Variants in TMCO4 observed in about 807,000 individuals in gnomAD.
TMCO4 encodes transmembrane and coiled-coil domains 4.
Under a neutral mutation model 64.7 loss-of-function variants are expected in TMCO4, and 58 were observed. That is an observed-to-expected ratio of 0.90 (90% CI 0.73 to 1.12). The LOEUF is 1.12. Ranked by LOEUF, TMCO4 falls within the 50% of genes most tolerant of loss-of-function variation. The pLI is 0.00. For missense variants in TMCO4, 780 were observed against 825.9 expected (o/e 0.94, Z 0.68); for synonymous variants, 325 against 346.1 (o/e 0.94, Z 0.68).
intron 13 of TMCO4, among the ~76,000 whole-genome samples, chr1:19,724,089 CTTTAG>C (rs1229831746): frequency 6.6e-6 from 1 of 152,176 alleles, no homozygotes; most frequent in Non-Finnish European, 1.5e-5. Flanking sequence ...GCTGGTCGGC[CTTTAG>C]TTTAGATTAA....
At chr1:19,696,577 TA>T (rs1021303626) in intron 14 of TMCO4, among the ~76,000 whole-genome samples, 45 of 135,054 alleles carry the variant, frequency 3.3e-4, no homozygotes, top group South Asian at 2.4e-4. Flanking sequence ...AAAACTAAAA[TA>T]AAAAAAATTA....
intron 13 of TMCO4, among the ~76,000 whole-genome samples, chr1:19,718,571 AG>A (rs1202604528): frequency 7.0e-6 from 1 of 142,796 alleles, no homozygotes; most frequent in Non-Finnish European, 1.5e-5. Context: ...GAGGCATTTG[AG>A]CCCAGGAGTC....
At chr1:19,709,285 G>GT (rs2095318100) in intron 13 of TMCO4, among the ~76,000 whole-genome samples, 1 of 81,074 alleles carries the variant, frequency 1.2e-5, no homozygotes. Flanking sequence ...TAACATCCCG[G>GT]CGGGGGGGGG....
At position 19,771,009 on chromosome 1, in the gene TMCO4, C is replaced by T. The variant is rs1019655311; in HGVS notation, c.354+299G>A. ...TGTGACCTTGGGCAAGTTACTTAACCTCTCTGTGTCTCAGTTTCCTCAACT... is the reference window on the plus strand; with the variant it reads ...TGTGACCTTGGGCAAGTTACTTAACTTCTCTGTGTCTCAGTTTCCTCAACT... On this transcript the variant is annotated intron_variant, in intron 5 of 15. Transcript: ENST00000294543. Among the ~76,000 whole-genome samples the T allele has an allele frequency of 4.6e-5, 7 of 152,228 alleles. No homozygotes were observed. In the East Asian group the frequency reaches 1.2e-3, roughly 25 times the overall value.
chr1:19,691,988 C>T lies in TMCO4; in HGVS notation c.1500+2446G>A, dbSNP rs148139052. Among the ~76,000 whole-genome samples the T allele has an allele frequency of 2.6e-3, 391 of 152,244 alleles. 4 individuals are homozygous for T. The highest frequency in any genetic ancestry group is 9.0e-3 in the African/African-American group (375 of 41,524). Reference sequence around the variant, plus strand: ...CATGTAAGACGTGCCTTTCACCTTCCGCCATGATTGTGAGGCCTCCCCAGC... The same window carrying T: ...CATGTAAGACGTGCCTTTCACCTTCTGCCATGATTGTGAGGCCTCCCCAGC... On this transcript the variant is annotated intron_variant, in intron 15 of 15. Coordinates refer to ENST00000294543, the MANE Select transcript of TMCO4 (RefSeq NM_181719.7).
At chr1:19,692,638 T>C (rs1176629827) in intron 15 of TMCO4, among the ~76,000 whole-genome samples, 1 of 151,066 alleles carries the variant, frequency 6.6e-6, no homozygotes, top group Non-Finnish European at 1.5e-5. Context: ...TCCCAGCTAT[T>C]TGGGAGGCTG....
chr1:19,705,393 G>A (rs2095297277), intron 13 of TMCO4, among the ~76,000 whole-genome samples: 1 of 152,130 alleles, frequency 6.6e-6, no homozygotes, highest in African/African-American at 2.4e-5. Context: ...GGAGATTGCA[G>A]TGAGCTAAGA....
At chr1:19,715,489 G>A (rs1172054361) in intron 13 of TMCO4, among the ~76,000 whole-genome samples, 2 of 152,164 alleles carry the variant, frequency 1.3e-5, no homozygotes, top group Admixed American at 6.5e-5. Flanking sequence ...CTGTCACAGC[G>A]AGTATCTGAT....
At chr1:19,700,638 C>A in intron 14 of TMCO4, 130 bp downstream of exon 14, 1 of 879,798 alleles carries the variant, frequency 1.1e-6, no homozygotes, top group South Asian at 1.6e-5. Context: ...AGGGCCGGTG[C>A]CCGGCCGGTT....
rs1241215507 is a variant in TMCO4, at chr1:19,743,400, C to T, written c.877+2132G>A. Among the ~76,000 whole-genome samples the T allele has an allele frequency of 6.6e-6, 1 of 152,192 alleles. No individual in the cohort carries two copies. Among genetic ancestry groups the T allele is most frequent in the African/African-American group, 2.4e-5 (1 of 41,442 alleles). On this transcript the variant is annotated intron_variant, in intron 10 of 15. Transcript: ENST00000294543. This position sits in a 1 kb window ranked among gnomAD's most constrained non-coding sequence, Gnocchi z 4.1. Reference sequence around the variant, plus strand: ...CCAAAGAAAGTCCGGTCATTCCTATCACATGGAAAAAGCAATCAGGTGATG... The same window carrying T: ...CCAAAGAAAGTCCGGTCATTCCTATTACATGGAAAAAGCAATCAGGTGATG...
intron 13 of TMCO4, among the ~76,000 whole-genome samples, chr1:19,714,448 C>T (rs1176005783): frequency 6.6e-6 from 1 of 152,016 alleles, no homozygotes; most frequent in East Asian, 1.9e-4. Flanking sequence ...GTGGGGAGGG[C>T]TTCTTCAGAC....
At chr1:19,772,053 C>T (rs1459557530) in intron 4 of TMCO4, among the ~76,000 whole-genome samples, 2 of 152,180 alleles carry the variant, frequency 1.3e-5, no homozygotes, top group African/African-American at 4.8e-5. Context: ...TGACTGGTTG[C>T]ATGCCTTGGG....
At chr1:19,693,539 G>A (rs1293764044) in intron 15 of TMCO4, among the ~76,000 whole-genome samples, 2 of 152,134 alleles carry the variant, frequency 1.3e-5, no homozygotes, top group African/African-American at 2.4e-5. Context: ...TGCCCAGCAG[G>A]TGCCCTCCCA....
intron 13 of TMCO4, among the ~76,000 whole-genome samples, chr1:19,725,793 C>G (rs193189138): frequency 6.6e-6 from 1 of 152,312 alleles, no homozygotes; most frequent in South Asian, 2.1e-4. Context: ...AGAGTCGTTA[C>G]CCAGGCTGTG....
chr1:19,736,442 T>A (rs1031734457), intron 13 of TMCO4, among the ~76,000 whole-genome samples: 6 of 152,100 alleles, frequency 3.9e-5, no homozygotes, highest in Non-Finnish European at 8.8e-5. Context: ...TTCTCTCCCA[T>A]CCACCCTCCA....
At chr1:19,745,326 G>A in intron 10 of TMCO4, 1 of 729,014 alleles carries the variant, frequency 1.4e-6, no homozygotes, top group Non-Finnish European at 2.2e-6. Flanking sequence ...ATGGACAGGT[G>A]GGTAGGTGGA....
At chr1:19,708,088 T>C (rs543660557) in intron 13 of TMCO4, among the ~76,000 whole-genome samples, 2 of 152,182 alleles carry the variant, frequency 1.3e-5, no homozygotes, top group African/African-American at 2.4e-5. Flanking sequence ...ATATCACTTG[T>C]ATAAGGGTAA....
intron 7 of TMCO4, among the ~76,000 whole-genome samples, chr1:19,752,653 T>C (rs998380382): frequency 6.6e-6 from 1 of 152,146 alleles, no homozygotes; most frequent in African/African-American, 2.4e-5. Context: ...AAAATCATTA[T>C]CTTTCTTGTT....
intron 2 of TMCO4, among the ~76,000 whole-genome samples, chr1:19,796,729 C>T (rs1044126564): frequency 4.6e-5 from 7 of 152,100 alleles, no homozygotes; most frequent in African/African-American, 1.4e-4. Flanking sequence ...TGCATGCCAC[C>T]ATGCCCAGCT....
Sources: allele counts gnomAD v4.1 joint callset (sites outside exome capture counted in the v4.1 genomes callset), GRCh38; gene constraint gnomAD v4.1.1; non-coding constraint Gnocchi (gnomAD v3.1); transcripts MANE v1.5; gene names NCBI Gene and HGNC (gene_info 2026-07-23, HGNC 2026-07-21).